Variants in DIPK2A observed in about 807,000 individuals in gnomAD.
DIPK2A encodes the protein divergent protein kinase domain 2A.
In DIPK2A, 27 loss-of-function variants were observed where a neutral mutation model predicts 39.0. That is an observed-to-expected ratio of 0.69 (90% CI 0.51 to 0.96). The LOEUF is 0.96. Among genes scored for constraint, DIPK2A ranks in the 40% least tolerant of loss-of-function variants. The pLI, the probability that DIPK2A is intolerant of heterozygous loss-of-function variation, is 0.00. For synonymous variants in DIPK2A, 298 were observed against 240.8 expected (o/e 1.24, Z -2.20); for missense variants, 528 against 571.3 (o/e 0.92, Z 0.77).
chr3:143,972,199 C>A lies in DIPK2A; in HGVS notation c.-134C>A. The A allele has an allele frequency of 1.3e-6, 1 of 757,586 alleles. No individual in the cohort carries two copies. The highest frequency in any genetic ancestry group is 3.3e-5 in the East Asian group (1 of 30,482). The allele number at this position is 757,586 out of a possible 1,614,324, so 46.9% of individuals were successfully genotyped here. On this transcript the variant is annotated 5_prime_UTR_variant, in exon 1 of 3. Coordinates refer to ENST00000315691, the MANE Select transcript of DIPK2A (RefSeq NM_173552.5). ...CCCGTCTTCCTCTCTCACACACCTA[C>A]TCCGCCCTCCGCCCCAGCCCGCGCG...
At chr3:143,977,649 G>T (rs997697251) in intron 1 of DIPK2A, among the ~76,000 whole-genome samples, 1 of 152,012 alleles carries the variant, frequency 6.6e-6, no homozygotes, top group African/African-American at 2.4e-5. Flanking sequence ...TGTCTTCCTA[G>T]ATTTCGGCTT....
intron 2 of DIPK2A, among the ~76,000 whole-genome samples, chr3:143,987,929 CTTTGGAATAGTAACCTTCCTTCT>C (rs1256979016): frequency 5.3e-5 from 8 of 152,140 alleles, no homozygotes; most frequent in Non-Finnish European, 1.0e-4. Flanking sequence ...TTGTTTCCTC[CTTTGGAATAGTAACCTTCCTTCT>C]TTTGGAATAG....
Position 143,972,192 on chromosome 3 carries a change from ACACCTACTCCG to A in DIPK2A, c.-139_-129del. 5 of 673,234 alleles carry A rather than the reference ACACCTACTCCG, an allele frequency of 7.4e-6. No homozygotes were observed. Among genetic ancestry groups the A allele is most frequent in the Non-Finnish European group, 1.1e-5 (5 of 458,182 alleles). The allele number at this position is 673,234 out of a possible 1,614,324, so 41.7% of individuals were successfully genotyped here. On this transcript the variant is annotated 5_prime_UTR_variant, in exon 1 of 3. Coordinates refer to ENST00000315691, the MANE Select transcript of DIPK2A (RefSeq NM_173552.5). ...CCCGCTCCCCGTCTTCCTCTCTCAC[ACACCTACTCCG>A]CCCTCCGCCCCAGCCCGCGCGCTAG...
chr3:143,984,365 A>T (rs1024808704), intron 1 of DIPK2A, among the ~76,000 whole-genome samples: 2 of 152,088 alleles, frequency 1.3e-5, no homozygotes, highest in Admixed American at 1.3e-4. Context: ...CTTCCTCACT[A>T]TGCCTACCTA....
Position 143,972,839 on chromosome 3 carries a change from C to A in DIPK2A, c.507C>A (p.His169Gln), listed in dbSNP as rs749470198. The part of the protein sequence containing the change: ...EAVEGWSDLV[H>Q]CPSQRLLDRL... ...TGGAGGGCTGGTCGGACCTGGTGCA[C>A]TGCCCCTCGCAGCGCCTTCTCGACC... Residue 169 changes from histidine to glutamine, a missense_variant, in exon 1 of 3, where the codon CAC becomes CAA. His to Gln is a conservative substitution (Grantham distance 24, BLOSUM62 0). Coordinates refer to ENST00000315691, the MANE Select transcript of DIPK2A (RefSeq NM_173552.5). The A allele has an allele frequency of 6.4e-7, 1 of 1,566,816 alleles. No individual in the cohort carries two copies. Among genetic ancestry groups the A allele is most frequent in the Non-Finnish European group, 8.6e-7 (1 of 1,159,214 alleles).
At chr3:143,973,714 G>T (rs1576804846) in intron 1 of DIPK2A, 5 of 632,270 alleles carry the variant, frequency 7.9e-6, no homozygotes, top group East Asian at 2.8e-5. Context: ...TGGTAATCTA[G>T]TTGAAGGGAG....
chr3:143,972,377 G>C lies in DIPK2A; in HGVS notation c.45G>C (p.Ser15=), dbSNP rs1419412228. 1 of 1,414,732 alleles carries C rather than the reference G, an allele frequency of 7.1e-7. No homozygotes were observed. The highest frequency in any genetic ancestry group is 1.5e-5 in the African/African-American group (1 of 66,568). The allele number at this position is 1,414,732 out of a possible 1,614,324, so 87.6% of individuals were successfully genotyped here. ...VPPKLGRLSR[S]LKLAALGSLL... is the part of the protein sequence containing the mutation. ...CGAAGCTGGGCCGCCTGTCCCGCTC[G>C]CTGAAGCTGGCGGCGCTGGGCAGCC... The change falls in exon 1 of 3, where the codon TCG becomes TCC. Residue 15 remains serine, a synonymous_variant. Coordinates refer to ENST00000315691, the MANE Select transcript of DIPK2A (RefSeq NM_173552.5).
chr3:143,976,034 A>T (rs969674152), intron 1 of DIPK2A, among the ~76,000 whole-genome samples: 1 of 152,104 alleles, frequency 6.6e-6, no homozygotes. Context: ...AGTTGCTATT[A>T]TTCCTTGAAA....
At chr3:143,978,644 A>ATATATATATATATATATATC (rs1559854192) in intron 1 of DIPK2A, 1 of 49,702 alleles carries the variant, frequency 2.0e-5, no homozygotes, top group African/African-American at 1.3e-4. Flanking sequence ...ATATATCTAT[A>ATATATATATATATATATATC]TATATATATA....
At chr3:143,973,314 C>G in intron 1 of DIPK2A, 1 of 1,535,024 alleles carries the variant, frequency 6.5e-7, no homozygotes, top group South Asian at 1.2e-5. Context: ...CGCTCTCTAC[C>G]CTGCCTTTCT....
At chr3:143,985,903 T>C in intron 2 of DIPK2A, 57 bp downstream of exon 2, 1 of 1,380,394 alleles carries the variant, frequency 7.2e-7, no homozygotes, top group African/African-American at 1.5e-5. Flanking sequence ...CAAAATAATG[T>C]TTATACTTGT....
chr3:143,978,623 T>TGTCAC, intron 1 of DIPK2A: 1 of 28,808 alleles, frequency 3.5e-5, no homozygotes, highest in African/African-American at 4.2e-4. Flanking sequence ...TATCTATATC[T>TGTCAC]ATATATATAT....
intron 1 of DIPK2A, among the ~76,000 whole-genome samples, chr3:143,980,271 G>GGGTC (rs10662845): frequency 6.6e-6 from 1 of 151,418 alleles, no homozygotes; most frequent in Non-Finnish European, 1.5e-5. Context: ...TCTTTCTTAT[G>GGGTC]TGTCTGTCTG....
chr3:143,984,572 C>CT (rs1319187908), intron 1 of DIPK2A, among the ~76,000 whole-genome samples: 3 of 151,716 alleles, frequency 2.0e-5, no homozygotes, highest in African/African-American at 7.3e-5. Flanking sequence ...TTATTGATTC[C>CT]TTTTTTTCTC....
chr3:143,978,669 G>GATATATAT (rs1220294150), intron 1 of DIPK2A: 1 of 32,840 alleles, frequency 3.0e-5, no homozygotes. Flanking sequence ...TCTATATATA[G>GATATATAT]ATATATATAT....
At chr3:143,986,384 T>A (rs2087899598) in intron 2 of DIPK2A, among the ~76,000 whole-genome samples, 1 of 152,176 alleles carries the variant, frequency 6.6e-6, no homozygotes. Context: ...CTCCATTTAC[T>A]TTTGAGTTCT....
At chr3:143,973,357 C>T in intron 1 of DIPK2A, 2 of 1,544,964 alleles carry the variant, frequency 1.3e-6, no homozygotes, top group Non-Finnish European at 1.7e-6. Context: ...AGGTCCGCGG[C>T]GCAGACTGTT....
At chr3:143,978,644 A>ATC (rs1285822859) in intron 1 of DIPK2A, 65 of 49,670 alleles carry the variant, frequency 1.3e-3, no homozygotes, top group African/African-American at 7.0e-3. Context: ...ATATATCTAT[A>ATC]TATATATATA....
chr3:143,982,510 G>A (rs2087839751), intron 1 of DIPK2A, among the ~76,000 whole-genome samples: 1 of 152,140 alleles, frequency 6.6e-6, no homozygotes, highest in South Asian at 2.1e-4. Flanking sequence ...AGCTTCATAA[G>A]CGAAGGAGAA....
Sources: allele counts gnomAD v4.1 joint callset (sites outside exome capture counted in the v4.1 genomes callset), GRCh38; gene constraint gnomAD v4.1.1; transcripts MANE v1.5; gene names NCBI Gene and HGNC (gene_info 2026-07-23, HGNC 2026-07-21).